The following PPFIBP2 variants were observed in gnomAD, a reference collection of about 807,000 sequenced individuals.
The protein encoded by PPFIBP2 is PPFIB scaffold protein 2.
In PPFIBP2, 118 loss-of-function variants were observed where a neutral mutation model predicts 118.3. The ratio of observed to expected loss-of-function variants is 1.00; its 90% CI spans 0.86 to 1.16. The LOEUF (loss-of-function observed/expected upper bound fraction) is 1.16. Among genes scored for constraint, PPFIBP2 ranks in the 50% most tolerant of loss-of-function variants. The pLI is 0.00. For missense variants in PPFIBP2, 1,195 were observed against 1,073.1 expected (o/e 1.11, Z -1.59); for synonymous variants, 414 against 397.4 (o/e 1.04, Z -0.50).
intron 18 of PPFIBP2, 65 bp downstream of exon 18, chr11:7,648,602 C>T (rs984035263): frequency 9.4e-6 from 15 of 1,590,560 alleles, no homozygotes; most frequent in African/African-American, 4.0e-5. Context: ...GGCCAGGGTC[C>T]GCCACTCCTG....
chr11:7,651,216 T>A (rs1853952677), intron 22 of PPFIBP2: 1 of 400,152 alleles, frequency 2.5e-6, no homozygotes, highest in South Asian at 4.2e-5. Context: ...ATGGGTTGCA[T>A]GGAGACCAAC....
chr11:7,557,635 C>A (rs1052761207), intron 2 of PPFIBP2, among the ~76,000 whole-genome samples: 2 of 152,028 alleles, frequency 1.3e-5, no homozygotes, highest in African/African-American at 4.8e-5. Flanking sequence ...CAGGTGCCCA[C>A]CACCATTCCC....
chr11:7,609,483 T>C (rs935676722), intron 5 of PPFIBP2, among the ~76,000 whole-genome samples: 1 of 152,252 alleles, frequency 6.6e-6, no homozygotes, highest in African/African-American at 2.4e-5. Flanking sequence ...TTTGAGGTCC[T>C]TTATAATTCA....
chr11:7,641,006 G>C (rs1457301467), intron 15 of PPFIBP2: 7 of 1,266,132 alleles, frequency 5.5e-6, no homozygotes, highest in Non-Finnish European at 7.2e-6. Flanking sequence ...TCTTCATGTG[G>C]CTTCTCTGCT....
intron 12 of PPFIBP2, among the ~76,000 whole-genome samples, chr11:7,633,873 C>A (rs1851101936): frequency 6.6e-6 from 1 of 152,166 alleles, no homozygotes; most frequent in South Asian, 2.1e-4. Flanking sequence ...AGAAATATGA[C>A]TGCCAAGGAG....
rs187894541 is a variant in PPFIBP2, at chr11:7,517,467, G to A, written c.-37+3346G>A. Among the ~76,000 whole-genome samples, 107 of 152,234 alleles carry A rather than the reference G, an allele frequency of 7.0e-4. 2 individuals are homozygous for A. Among genetic ancestry groups the A allele is most frequent in the Admixed American group, 5.6e-3 (85 of 15,286 alleles). ...GGAGCAGAAGAAAGCTAGAAGCCTC[G>A]GAGGGGTCTGGGTTGATGCGTTGGG... On this transcript the variant is annotated intron_variant, in intron 1 of 23. Coordinates refer to ENST00000299492, the MANE Select transcript of PPFIBP2 (RefSeq NM_003621.5).
chr11:7,629,542 C>G lies in PPFIBP2; in HGVS notation c.964+8C>G. On this transcript the variant is annotated splice_region_variant and intron_variant, in intron 10 of 23. Transcript: ENST00000299492. ...TTGTGATGGTCACTCAAGGTAAGAGCAAGGGCGATCCTACCGTTGTCTCTG... is the reference window on the plus strand; with the variant it reads ...TTGTGATGGTCACTCAAGGTAAGAGGAAGGGCGATCCTACCGTTGTCTCTG... 6.2e-7 allele frequency: 1 copy of G among 1,613,356 alleles called. No individual in the cohort carries two copies. Among genetic ancestry groups the G allele is most frequent in the South Asian group, 1.1e-5 (1 of 91,066 alleles).
chr11:7,655,911 G>C (rs909920551), downstream of PPFIBP2, among the ~76,000 whole-genome samples: 1 of 152,084 alleles, frequency 6.6e-6, no homozygotes, highest in South Asian at 2.1e-4. Context: ...ATTTCCTATC[G>C]TGCCTCTGAC....
chr11:7,638,575 A>G (rs1030820249), intron 14 of PPFIBP2, among the ~76,000 whole-genome samples: 1 of 152,242 alleles, frequency 6.6e-6, no homozygotes, highest in Non-Finnish European at 1.5e-5. Context: ...ATGGAACTTC[A>G]TAAGATGTCT....
chr11:7,560,891 TTTTC>T (rs1277166808), intron 2 of PPFIBP2, among the ~76,000 whole-genome samples: 1 of 152,192 alleles, frequency 6.6e-6, no homozygotes, highest in African/African-American at 2.4e-5. Context: ...TGCAAAAACA[TTTTC>T]TTTCCATATT....
rs1026557911 is a variant in PPFIBP2, at chr11:7,610,330, G to A, written c.526G>A (p.Asp176Asn). Residue 176 changes from aspartate to asparagine, a missense_variant, in exon 6 of 24, where the codon GAT (aspartate) becomes AAT (asparagine). Asp to Asn is a conservative substitution (Grantham distance 23). Transcript: ENST00000299492. ...CACATCTCTTGAGACCCAGAAGCTC[G>A]ATCTGATGACTGAAGTGTCTGAGCT... is the stretch of plus-strand genomic sequence containing the variant. ...SRTSLETQKL[D>N]LMTEVSELKL... 5.0e-6 allele frequency: 8 copies of A among 1,614,166 alleles called. No individual in the cohort carries two copies. Among genetic ancestry groups the A allele is most frequent in the East Asian group, 4.5e-5 (2 of 44,890 alleles).
At position 7,627,947 on chromosome 11, in the gene PPFIBP2, C is replaced by G. The variant is rs561358827; in HGVS notation, c.827-338C>G. 2.0e-5 allele frequency among the ~76,000 whole-genome samples: 3 copies of G among 152,240 alleles called. No individual in the cohort carries two copies. The South Asian group carries it at 6.2e-4, about 32-fold the overall frequency. On this transcript the variant is annotated intron_variant, in intron 8 of 23. Transcript: ENST00000299492. ...GCCAGTCAGAAGCCCAGGTGCATGCCTACTCAAGTTGTAAAGGATAAAAAT... is the reference window on the plus strand; with the variant it reads ...GCCAGTCAGAAGCCCAGGTGCATGCGTACTCAAGTTGTAAAGGATAAAAAT...
At chr11:7,522,600 C>A (rs1257529644) in intron 1 of PPFIBP2, among the ~76,000 whole-genome samples, 1 of 152,106 alleles carries the variant, frequency 6.6e-6, no homozygotes, top group Non-Finnish European at 1.5e-5. Flanking sequence ...GATGGAGATT[C>A]CATTAGGCAA....
At chr11:7,535,382 A>T (rs150089082) in intron 1 of PPFIBP2, among the ~76,000 whole-genome samples, 2,136 of 152,316 alleles carry the variant, frequency 0.014, 115 homozygotes, top group Admixed American at 0.1. Context: ...CTGGGGTATC[A>T]GGAACCCAGG....
At position 7,593,142 on chromosome 11, in the gene PPFIBP2, A is replaced by G; in HGVS notation, c.290A>G (p.Asn97Ser). Residue 97 changes from asparagine to serine, a missense_variant, in exon 4 of 24, where the codon AAC becomes AGC. By Grantham distance (46) the Asn-to-Ser change is conservative. Transcript: ENST00000299492. ...TTCTGTCCTCTTTAGTCCCAGGTAA[A>G]CCACCACAGTGCTGCTAGTAATGAA... ...EWFEESLSQV[N>S]HHSAASNETY... The G allele has an allele frequency of 6.2e-7, 1 of 1,613,842 alleles. No individual in the cohort carries two copies. Among genetic ancestry groups the G allele is most frequent in the African/African-American group, 1.3e-5 (1 of 74,978 alleles).
At chr11:7,551,532 T>C (rs995571881) in intron 2 of PPFIBP2, among the ~76,000 whole-genome samples, 3 of 152,198 alleles carry the variant, frequency 2.0e-5, no homozygotes, top group African/African-American at 7.2e-5. Flanking sequence ...AGTCTTGAAG[T>C]TGGGTACTGT....
chr11:7,633,421 G>GC (rs1851041176), intron 12 of PPFIBP2, among the ~76,000 whole-genome samples: 1 of 152,192 alleles, frequency 6.6e-6, no homozygotes, highest in Admixed American at 6.5e-5. Context: ...TCATTTGACT[G>GC]CCATCTGTCT....
At chr11:7,606,387 G>A (rs1270854504) in intron 5 of PPFIBP2, among the ~76,000 whole-genome samples, 1 of 152,228 alleles carries the variant, frequency 6.6e-6, no homozygotes, top group East Asian at 1.9e-4. Flanking sequence ...GGGCCTTGCT[G>A]GATCTGGAGA....
intron 2 of PPFIBP2, among the ~76,000 whole-genome samples, chr11:7,561,136 C>T (rs1854254570): frequency 6.6e-6 from 1 of 152,234 alleles, no homozygotes; most frequent in Admixed American, 6.5e-5. Context: ...GGCACAATCT[C>T]AGCTCACTGC....
Sources: allele counts gnomAD v4.1 joint callset (sites outside exome capture counted in the v4.1 genomes callset), GRCh38; gene constraint gnomAD v4.1.1; transcripts MANE v1.5; gene names NCBI Gene and HGNC (gene_info 2026-07-23, HGNC 2026-07-21).